The following MPP7 variants were observed in gnomAD, a reference collection of about 807,000 sequenced individuals.
MPP7 encodes the protein MAGUK p55 subfamily member 7.
MPP7 carries 60 observed loss-of-function variants against 76.5 expected under a neutral mutation model. The observed-to-expected ratio is 0.78, with a 90% CI of 0.64 to 0.97. The LOEUF (loss-of-function observed/expected upper bound fraction) is 0.97, where lower values mean the gene tolerates loss of function less well. Ranked by LOEUF, MPP7 falls within the 50% of genes least tolerant of loss-of-function variation. The pLI, the probability that MPP7 is intolerant of heterozygous loss-of-function variation, is 0.00. For missense variants in MPP7, 641 were observed against 694.0 expected (o/e 0.92, Z 0.86); for synonymous variants, 237 against 244.5 (o/e 0.97, Z 0.29).
intron 11 of MPP7, among the ~76,000 whole-genome samples, chr10:28,110,053 G>A (rs934133581): frequency 2.6e-5 from 4 of 150,952 alleles, no homozygotes; most frequent in South Asian, 2.1e-4. Context: ...AAAATTATAC[G>A]AGACTTGTCT....
At chr10:28,063,504 C>T (rs1851876489) in intron 13 of MPP7, among the ~76,000 whole-genome samples, 1 of 151,574 alleles carries the variant, frequency 6.6e-6, no homozygotes, top group Admixed American at 6.6e-5. Context: ...ACGCACTTTA[C>T]CAAAGAAGAT....
intron 2 of MPP7, among the ~76,000 whole-genome samples, chr10:28,238,258 T>C (rs1214899233): frequency 6.6e-6 from 1 of 152,190 alleles, no homozygotes; most frequent in East Asian, 1.9e-4. Flanking sequence ...GGTATCACAG[T>C]ATTTGCCATA....
At chr10:28,148,510 T>G (rs1022784142) in intron 4 of MPP7, among the ~76,000 whole-genome samples, 8 of 152,262 alleles carry the variant, frequency 5.3e-5, no homozygotes, top group African/African-American at 1.7e-4. Context: ...TGCTCTTATC[T>G]CTGGAAAAGG....
At chr10:28,134,869 C>G (rs1400218062) in intron 5 of MPP7, among the ~76,000 whole-genome samples, 1 of 152,062 alleles carries the variant, frequency 6.6e-6, no homozygotes, top group Non-Finnish European at 1.5e-5. Flanking sequence ...CACCAGAAGA[C>G]AGTTCAAATA....
chr10:28,099,248 C>T (rs1243372452), intron 11 of MPP7, among the ~76,000 whole-genome samples: 1 of 152,134 alleles, frequency 6.6e-6, no homozygotes, highest in East Asian at 1.9e-4. Flanking sequence ...GGAAGTGGGA[C>T]TTGGCTTTCT....
intron 3 of MPP7, among the ~76,000 whole-genome samples, chr10:28,162,289 G>A (rs1836287410): frequency 2.0e-5 from 3 of 152,040 alleles, no homozygotes; most frequent in South Asian, 2.1e-4. Flanking sequence ...CTGAGCCCAC[G>A]AATTGATCAC....
chr10:28,238,759 AT>A (rs938554683), intron 1 of MPP7, 24 bp from the exon 2 acceptor site: 10 of 679,692 alleles, frequency 1.5e-5, no homozygotes, highest in Admixed American at 3.0e-5. Context: ...AAACATTTAT[AT>A]TTTTTAAAAA....
At chr10:28,099,077 C>T (rs947533339) in intron 11 of MPP7, among the ~76,000 whole-genome samples, 3 of 152,238 alleles carry the variant, frequency 2.0e-5, no homozygotes, top group Non-Finnish European at 2.9e-5. Context: ...AATGATCTCA[C>T]TTTTTAATAA....
chr10:28,079,215 G>C (rs1323654041), intron 12 of MPP7, among the ~76,000 whole-genome samples: 1 of 152,114 alleles, frequency 6.6e-6, no homozygotes, highest in African/African-American at 2.4e-5. Context: ...AAAACAAAAA[G>C]TATATTTTGA....
chr10:28,259,535 C>T (rs754459744), intron 1 of MPP7, among the ~76,000 whole-genome samples: 3 of 146,568 alleles, frequency 2.0e-5, no homozygotes, highest in East Asian at 2.0e-4. Flanking sequence ...TGCAGTGAGC[C>T]GAGATTGCAC....
chr10:28,086,823 C>A (rs1853032908), intron 12 of MPP7, among the ~76,000 whole-genome samples: 1 of 152,128 alleles, frequency 6.6e-6, no homozygotes, highest in Non-Finnish European at 1.5e-5. Context: ...GAGTCTATCC[C>A]CCGCTGAATA....
chr10:28,313,413 G>T (rs1327850325), intron 2 of MPP7, among the ~76,000 whole-genome samples: 2 of 152,090 alleles, frequency 1.3e-5, no homozygotes, highest in East Asian at 3.9e-4. Flanking sequence ...AGCTGAGGCA[G>T]GAGAATCTCT....
At chr10:28,171,017 C>T (rs1480528110) in intron 3 of MPP7, among the ~76,000 whole-genome samples, 1 of 152,136 alleles carries the variant, frequency 6.6e-6, no homozygotes, top group Non-Finnish European at 1.5e-5. Context: ...CTTTAGCATT[C>T]CACAAATTGT....
intron 1 of MPP7, among the ~76,000 whole-genome samples, chr10:28,330,548 C>A (rs904710719): frequency 2.9e-4 from 44 of 152,296 alleles, no homozygotes; most frequent in African/African-American, 9.6e-4. Flanking sequence ...TCTAAGAGCA[C>A]TCTCTGGCCT....
chr10:28,068,890 C>T (rs530450907), intron 13 of MPP7, among the ~76,000 whole-genome samples: 12 of 152,202 alleles, frequency 7.9e-5, no homozygotes, highest in African/African-American at 2.2e-4. Context: ...ATCATAAAAA[C>T]CTAAGAGTAG....
chr10:28,322,978 C>T (rs924616526), intron 2 of MPP7, among the ~76,000 whole-genome samples: 1 of 151,966 alleles, frequency 6.6e-6, no homozygotes, highest in South Asian at 2.1e-4. Flanking sequence ...CATAATAAGA[C>T]CCATCTCTAC....
intron 3 of MPP7, among the ~76,000 whole-genome samples, chr10:28,161,906 C>T (rs912428398): frequency 6.6e-6 from 1 of 152,098 alleles, no homozygotes; most frequent in African/African-American, 2.4e-5. Flanking sequence ...TTGGTTCATT[C>T]CAACAGATAG....
intron 1 of MPP7, among the ~76,000 whole-genome samples, chr10:28,274,580 C>T (rs554539470): frequency 6.5e-4 from 99 of 152,194 alleles, no homozygotes; most frequent in African/African-American, 2.3e-3. Flanking sequence ...TTCTTTGGCT[C>T]CCAGAACCAA....
chr10:28,265,430 A>C (rs1185600028), intron 1 of MPP7, among the ~76,000 whole-genome samples: 1 of 152,052 alleles, frequency 6.6e-6, no homozygotes, highest in Non-Finnish European at 1.5e-5. Context: ...ATGGTGGTAC[A>C]TACCTGTAGT....
Sources: allele counts gnomAD v4.1 joint callset (sites outside exome capture counted in the v4.1 genomes callset), GRCh38; gene constraint gnomAD v4.1.1; transcripts MANE v1.5; gene names NCBI Gene and HGNC (gene_info 2026-07-23, HGNC 2026-07-21).